The following TRPM7 variants were observed in gnomAD, a reference collection of about 807,000 sequenced individuals.
The protein encoded by TRPM7 is LTRPC ion channel family member 7.
In TRPM7, 134 loss-of-function variants were observed where a neutral mutation model predicts 229.7. That is an observed-to-expected ratio of 0.58 (90% CI 0.51 to 0.67). The LOEUF (loss-of-function observed/expected upper bound fraction) is 0.67, where lower values mean the gene tolerates loss of function less well. Among genes scored for constraint, TRPM7 ranks in the 30% least tolerant of loss-of-function variants. The probability of loss-of-function intolerance (pLI) is 0.00; values close to 1 mark genes in which losing one functional copy is unlikely to be tolerated. For missense variants in TRPM7, 1,901 were observed against 2,210.0 expected (o/e 0.86, Z 2.80); for synonymous variants, 699 against 715.2 (o/e 0.98, Z 0.36).
chr15:50,598,115 G>A (rs1014825868), intron 22 of TRPM7, among the ~76,000 whole-genome samples: 5 of 152,050 alleles, frequency 3.3e-5, no homozygotes, highest in African/African-American at 1.2e-4. Context: ...GCCAACCCTT[G>A]ACCTAATCAC....
At chr15:50,641,240 TGCG>T (rs55789097) in intron 5 of TRPM7, among the ~76,000 whole-genome samples, 27,553 of 152,076 alleles carry the variant, frequency 0.18, 3,190 homozygotes, top group East Asian at 0.46. Flanking sequence ...CAAGGCCTCA[TGCG>T]ATGAACTGCC....
chr15:50,566,040 G>A (rs545025475), intron 38 of TRPM7, among the ~76,000 whole-genome samples: 1 of 151,876 alleles, frequency 6.6e-6, no homozygotes, highest in East Asian at 1.9e-4. Context: ...GGCCAGGTTG[G>A]TATCGACCTC....
At chr15:50,638,232 G>A (rs1254654154) in intron 6 of TRPM7, among the ~76,000 whole-genome samples, 2 of 150,806 alleles carry the variant, frequency 1.3e-5, no homozygotes, top group Non-Finnish European at 3.0e-5. Flanking sequence ...GGTAGCGGGC[G>A]CCTGTAGTCC....
chr15:50,680,281 G>A (rs868787399), intron 1 of TRPM7, among the ~76,000 whole-genome samples: 6 of 151,838 alleles, frequency 4.0e-5, no homozygotes, highest in African/African-American at 4.8e-5. Flanking sequence ...AGACTAATGC[G>A]TGTAATCCCA....
At position 50,574,713 on chromosome 15, in the gene TRPM7, G is replaced by A; in HGVS notation, c.5026C>T (p.Gln1676Ter). 1 of 1,613,396 alleles carries A rather than the reference G, an allele frequency of 6.2e-7. No individual in the cohort carries two copies. The highest frequency in any genetic ancestry group is 8.5e-7 in the Non-Finnish European group (1 of 1,179,792). The change falls in exon 35 of 39, where the codon CAA becomes TAA. Residue 1676 changes from glutamine (Q) to a stop codon, truncating the protein, a stop_gained. Coordinates refer to ENST00000646667, the MANE Select transcript of TRPM7 (RefSeq NM_017672.6). LOFTEE classifies it high-confidence loss of function. ...TVLHLCLREI[Q>*]QQRAAQKLTF... is the part of the protein sequence containing the mutation. ...AGCTTTTGTGCTGCTCTCTGTTGTT[G>A]AATTTCCTATAAAAGGGAGGGTGGG... is the stretch of plus-strand genomic sequence containing the variant.
chr15:50,634,308 C>T (rs1041993461), intron 8 of TRPM7, 74 bp downstream of exon 8: 1 of 1,193,226 alleles, frequency 8.4e-7, no homozygotes, highest in Non-Finnish European at 1.1e-6. Context: ...CTGGGAGACA[C>T]AGCAAGACTC....
At chr15:50,569,838 C>T (rs1326392135) in intron 38 of TRPM7, 49 bp downstream of exon 38, 1 of 1,286,792 alleles carries the variant, frequency 7.8e-7, no homozygotes, top group Admixed American at 2.1e-5. Context: ...ATTGTAGTAA[C>T]CAAGTTTCGT....
At chr15:50,614,619 C>T (rs768391797) in intron 13 of TRPM7, among the ~76,000 whole-genome samples, 45 of 138,908 alleles carry the variant, frequency 3.2e-4, no homozygotes, top group Non-Finnish European at 5.0e-4. Flanking sequence ...GAGCCAAGAT[C>T]GTGCCACTGC....
chr15:50,672,638 G>A (rs1019161081), intron 1 of TRPM7, among the ~76,000 whole-genome samples: 4 of 151,646 alleles, frequency 2.6e-5, no homozygotes, highest in Non-Finnish European at 5.9e-5. Context: ...AGCCAGGTGC[G>A]GTGGCTCACG....
In TRPM7 at chr15:50,593,755, G is replaced by A. The variant is rs760252748; in HGVS notation, c.3476-6C>T. The A allele has an allele frequency of 6.3e-7, 1 of 1,595,876 alleles. No homozygotes were observed. Among genetic ancestry groups the A allele is most frequent in the Non-Finnish European group, 8.5e-7 (1 of 1,175,196 alleles). On this transcript the variant is annotated splice_polypyrimidine_tract_variant and splice_region_variant and intron_variant, in intron 24 of 38. Transcript: ENST00000646667. ...TTCTTCTGTTAAGAAAAGTTCTATG[G>A]GAGGAAAAGGAGAAGAAAATCAAGG...
chr15:50,619,002 T>C (rs1375747256), intron 13 of TRPM7, among the ~76,000 whole-genome samples: 25 of 152,172 alleles, frequency 1.6e-4, no homozygotes, highest in Admixed American at 1.6e-3. Flanking sequence ...GGAGAGAGTT[T>C]TCAGCATTTT....
intron 6 of TRPM7, among the ~76,000 whole-genome samples, chr15:50,638,060 T>C (rs919170409): frequency 8.6e-5 from 13 of 151,180 alleles, no homozygotes; most frequent in African/African-American, 3.2e-4. Context: ...CTACTAAAAC[T>C]ACAAAAATTA....
At chr15:50,685,131 T>C (rs1596361677) in intron 1 of TRPM7, among the ~76,000 whole-genome samples, 1 of 152,372 alleles carries the variant, frequency 6.6e-6, no homozygotes, top group Admixed American at 6.5e-5. Flanking sequence ...AATGGGTATA[T>C]GGTAGTTCAT....
chr15:50,586,945 G>A (rs1375276323), intron 27 of TRPM7, among the ~76,000 whole-genome samples: 1 of 152,160 alleles, frequency 6.6e-6, no homozygotes, highest in African/African-American at 2.4e-5. Flanking sequence ...GAACCCGGGA[G>A]GCGTAGGGTG....
intron 5 of TRPM7, 107 bp downstream of exon 5, chr15:50,643,233 G>A (rs963213413): frequency 1.5e-5 from 13 of 875,062 alleles, no homozygotes; most frequent in Non-Finnish European, 2.3e-5. Flanking sequence ...AGGTTGCAGT[G>A]AGCCGAGATT....
chr15:50,636,504 T>C (rs1463185038), intron 7 of TRPM7, among the ~76,000 whole-genome samples: 5 of 152,186 alleles, frequency 3.3e-5, no homozygotes, highest in African/African-American at 1.2e-4. Context: ...TCTTAACTTT[T>C]AGCAAAAGTT....
intron 12 of TRPM7, 91 bp downstream of exon 12, chr15:50,624,075 G>A (rs2060493419): frequency 3.9e-6 from 5 of 1,297,642 alleles, no homozygotes; most frequent in Non-Finnish European, 4.2e-6. Flanking sequence ...AGACATTAAG[G>A]GTTTTATCAA....
intron 10 of TRPM7, among the ~76,000 whole-genome samples, chr15:50,629,517 C>T (rs1168729281): frequency 3.7e-5 from 5 of 135,748 alleles, no homozygotes; most frequent in African/African-American, 6.0e-5. Context: ...AAGCAATCTG[C>T]TTGCCTCAGC....
At chr15:50,676,118 T>C (rs768638937) in intron 1 of TRPM7, among the ~76,000 whole-genome samples, 1 of 152,182 alleles carries the variant, frequency 6.6e-6, no homozygotes, top group Non-Finnish European at 1.5e-5. Context: ...CCTTAAATTA[T>C]AAATTCTTAC....
Sources: allele counts gnomAD v4.1 joint callset (sites outside exome capture counted in the v4.1 genomes callset), GRCh38; gene constraint gnomAD v4.1.1; transcripts MANE v1.5; gene names NCBI Gene and HGNC (gene_info 2026-07-23, HGNC 2026-07-21).